The following EML4 variants were observed in gnomAD, a reference collection of about 807,000 sequenced individuals.
EML4 encodes the protein echinoderm microtubule-associated protein-like 4.
A neutral mutation model predicts 129.0 loss-of-function variants in EML4; 72 were observed. That is an observed-to-expected ratio of 0.56 (90% CI 0.46 to 0.68). The LOEUF is 0.68. Among genes scored for constraint, EML4 ranks in the 30% least tolerant of loss-of-function variants. The pLI, the probability that EML4 is intolerant of heterozygous loss-of-function variation, is 0.00. For missense variants in EML4, 1,363 were observed against 1,190.6 expected, an observed-to-expected ratio of 1.14 and a Z score of -2.13; for synonymous variants, 532 against 405.0, an observed-to-expected ratio of 1.31 and a Z score of -3.77.
chr2:42,185,688 A>G lies in EML4; in HGVS notation c.25+16052A>G, dbSNP rs556385094. ...ACTGATTATCTTCAGCGTCATGCTG[A>G]AGAGTTTGGCTTTGGGCCTGAAGCT... On this transcript the variant is annotated intron_variant, in intron 1 of 22. Coordinates refer to ENST00000318522, the MANE Select transcript of EML4 (RefSeq NM_019063.5). Among the ~76,000 whole-genome samples, 6 of 152,294 alleles carry G rather than the reference A, an allele frequency of 3.9e-5. No individual in the cohort carries two copies. In the South Asian group the frequency reaches 1.2e-3, roughly 32 times the overall value.
In EML4 at chr2:42,327,374, C is replaced by A. The variant is rs576414098; in HGVS notation, c.2341+1122C>A. ...GGGTATTTACCTAGGAGTAGAATTG[C>A]TGAGTCAAATGGTAACTGTATGTTT... is the stretch of plus-strand genomic sequence containing the variant. On this transcript the variant is annotated intron_variant, in intron 21 of 22. Transcript: ENST00000318522. Among the ~76,000 whole-genome samples the A allele has an allele frequency of 5.9e-5, 9 of 152,318 alleles. No homozygotes were observed. The East Asian group carries it at 1.7e-3, about 29-fold the overall frequency.
At chr2:42,286,577 A>G (rs1358714744) in intron 10 of EML4, among the ~76,000 whole-genome samples, 198 bp downstream of exon 10, 1 of 152,208 alleles carries the variant, frequency 6.6e-6, no homozygotes, top group Non-Finnish European at 1.5e-5. Flanking sequence ...TTTAGTTAGG[A>G]TGCAAGATAT....
chr2:42,269,295 G>A (rs1021452806), intron 6 of EML4, among the ~76,000 whole-genome samples: 3 of 152,150 alleles, frequency 2.0e-5, no homozygotes, highest in Admixed American at 2.0e-4. Context: ...TAAAATTGGG[G>A]AAAGGAAAAA....
intron 6 of EML4, among the ~76,000 whole-genome samples, chr2:42,275,539 G>A (rs905822121): frequency 2.0e-5 from 3 of 152,218 alleles, no homozygotes; most frequent in Non-Finnish European, 2.9e-5. Context: ...CATTATATGT[G>A]TCTGGGGAAA....
chr2:42,218,588 G>C (rs1277175944), intron 1 of EML4, among the ~76,000 whole-genome samples: 1 of 151,996 alleles, frequency 6.6e-6, no homozygotes, highest in Non-Finnish European at 1.5e-5. Flanking sequence ...GGATCTTCCT[G>C]AGCCTGTCTG....
intron 1 of EML4, among the ~76,000 whole-genome samples, chr2:42,179,523 A>G (rs901191280): frequency 6.6e-5 from 10 of 152,230 alleles, no homozygotes; most frequent in African/African-American, 2.4e-4. Flanking sequence ...CTTAGGAAAT[A>G]CATACCCAAG....
intron 17 of EML4, among the ~76,000 whole-genome samples, chr2:42,305,843 A>G (rs901446819): frequency 1.3e-5 from 2 of 151,880 alleles, no homozygotes; most frequent in Non-Finnish European, 2.9e-5. Flanking sequence ...ACTTTAAACC[A>G]ACTAATTCAT....
intron 1 of EML4, among the ~76,000 whole-genome samples, chr2:42,176,751 A>G (rs1286910633): frequency 2.0e-5 from 3 of 152,058 alleles, no homozygotes; most frequent in African/African-American, 7.3e-5. Context: ...AGATCTTACA[A>G]TTGTTATGTC....
chr2:42,298,626 A>G lies in EML4; in HGVS notation c.1490-2615A>G, dbSNP rs758807673. Among the ~76,000 whole-genome samples, 15 of 152,188 alleles carry G rather than the reference A, an allele frequency of 9.9e-5. 1 individual carries two copies. Among genetic ancestry groups the G allele is most frequent in the Non-Finnish European group, 1.5e-5 (1 of 68,020 alleles). On this transcript the variant is annotated intron_variant, in intron 13 of 22. Coordinates refer to ENST00000318522, the MANE Select transcript of EML4 (RefSeq NM_019063.5). ...CCACCTCAGGAAATAACTTTCCTGGAGTGAGAAGGACTCACTGACTTGATC... is the reference window on the plus strand; with the variant it reads ...CCACCTCAGGAAATAACTTTCCTGGGGTGAGAAGGACTCACTGACTTGATC...
chr2:42,255,971 G>A (rs1034409527), intron 2 of EML4, among the ~76,000 whole-genome samples: 2 of 152,142 alleles, frequency 1.3e-5, no homozygotes, highest in Non-Finnish European at 2.9e-5. Flanking sequence ...TTATGATGTT[G>A]TGTCTTCTGA....
intron 1 of EML4, among the ~76,000 whole-genome samples, chr2:42,233,483 A>G (rs1476769222): frequency 1.3e-5 from 2 of 149,022 alleles, no homozygotes; most frequent in Non-Finnish European, 3.0e-5. Context: ...TTTTTTTTTT[A>G]TTTTTAGTAG....
intron 6 of EML4, among the ~76,000 whole-genome samples, chr2:42,268,461 C>G (rs1191950873): frequency 6.6e-6 from 1 of 152,022 alleles, no homozygotes; most frequent in African/African-American, 2.4e-5. Flanking sequence ...TATTTAGAGA[C>G]AGGGTCTCAC....
At chr2:42,264,074 T>G (rs962256802) in intron 5 of EML4, among the ~76,000 whole-genome samples, 14 of 150,368 alleles carry the variant, frequency 9.3e-5, no homozygotes, top group Non-Finnish European at 1.8e-4. Context: ...TGTATCTACC[T>G]TTTAAGGCTC....
chr2:42,284,719 T>A lies in EML4; in HGVS notation c.1011+16T>A, dbSNP rs377277352. 1.1e-4 allele frequency: 181 copies of A among 1,586,956 alleles called. No individual in the cohort carries two copies. Among genetic ancestry groups the A allele is most frequent in the Non-Finnish European group, 1.5e-4 (173 of 1,158,386 alleles). On this transcript the variant is annotated intron_variant, in intron 9 of 22. Coordinates refer to ENST00000318522, the MANE Select transcript of EML4 (RefSeq NM_019063.5). ...AGATGGAAGGGTGAGTGGCATAGTG[T>A]TATGCCTTCTGTACCTAGAGACATT...
At chr2:42,172,331 G>A (rs1670330059) in intron 1 of EML4, among the ~76,000 whole-genome samples, 2 of 152,246 alleles carry the variant, frequency 1.3e-5, no homozygotes, top group South Asian at 2.1e-4. Context: ...CTTGATTGTT[G>A]CATGTTTAGA....
intron 11 of EML4, among the ~76,000 whole-genome samples, chr2:42,291,116 A>C (rs931979868): frequency 1.3e-5 from 2 of 152,242 alleles, no homozygotes; most frequent in African/African-American, 4.8e-5. Flanking sequence ...CTTATGCCAA[A>C]GGTGGCGATG....
intron 1 of EML4, among the ~76,000 whole-genome samples, chr2:42,174,974 G>A (rs1348785914): frequency 6.6e-6 from 1 of 150,990 alleles, no homozygotes; most frequent in African/African-American, 2.4e-5. Flanking sequence ...CCGCCAGCAT[G>A]TCTGGCTAAT....
chr2:42,182,856 C>T (rs1335663747), intron 1 of EML4, among the ~76,000 whole-genome samples: 2 of 152,152 alleles, frequency 1.3e-5, no homozygotes, highest in Non-Finnish European at 2.9e-5. Context: ...TTGTAGGTTG[C>T]CATCTTCTGT....
intron 3 of EML4, among the ~76,000 whole-genome samples, chr2:42,257,634 G>A (rs1054075308): frequency 6.6e-6 from 1 of 152,276 alleles, no homozygotes; most frequent in East Asian, 1.9e-4. Flanking sequence ...AGGAGATCGA[G>A]ACCATCCTGG....
Sources: allele counts gnomAD v4.1 joint callset (sites outside exome capture counted in the v4.1 genomes callset), GRCh38; gene constraint gnomAD v4.1.1; transcripts MANE v1.5; gene names NCBI Gene and HGNC (gene_info 2026-07-23, HGNC 2026-07-21).